TRIM2: variants seen among roughly 807,000 people sequenced by gnomAD.
The protein encoded by TRIM2 is tripartite motif-containing protein 2.
TRIM2 carries 20 observed loss-of-function variants against 75.2 expected under a neutral mutation model. The ratio of observed to expected loss-of-function variants is 0.27; its 90% CI spans 0.19 to 0.39. The LOEUF (loss-of-function observed/expected upper bound fraction) is 0.39. Ranked by LOEUF, TRIM2 falls within the 10% of genes least tolerant of loss-of-function variation. The pLI is 1.00. For missense variants in TRIM2, 660 were observed against 990.8 expected, an observed-to-expected ratio of 0.67 and a Z score of 4.48; for synonymous variants, 373 against 388.3, an observed-to-expected ratio of 0.96 and a Z score of 0.46.
At chr4:153,244,117 T>C (rs1268097894) in intron 1 of TRIM2, among the ~76,000 whole-genome samples, 68 of 149,932 alleles carry the variant, frequency 4.5e-4, no homozygotes, top group African/African-American at 1.5e-3. Flanking sequence ...ACTGTGCCAC[T>C]GCCATCTTCT....
intron 11 of TRIM2, among the ~76,000 whole-genome samples, chr4:153,333,035 T>C (rs1311793664): frequency 6.6e-6 from 1 of 152,220 alleles, no homozygotes; most frequent in Non-Finnish European, 1.5e-5. Flanking sequence ...TCATAGAAGA[T>C]TTATTTGTAA....
In TRIM2 at chr4:153,204,540, A is replaced by G. The variant is rs1336596244; in HGVS notation, c.10A>G (p.Ser4Gly). 1.3e-6 allele frequency: 2 copies of G among 1,551,590 alleles called. No homozygotes were observed. The highest frequency in any genetic ancestry group is 2.4e-5 in the East Asian group (1 of 40,936). The change falls in exon 1 of 12, where the codon AGT becomes GGT. Residue 4 changes from serine (S) to glycine (G), a missense_variant. Around this residue, in one of 2 missense-constraint regions of TRIM2, gnomAD observed 620 missense variants for 891.0 expected, o/e 0.70. Coordinates refer to ENST00000338700, the MANE Select transcript of TRIM2 (RefSeq NM_015271.5). ...CTGGCTCTGGTCTTCGATGCACAGG[A>G]GTGGCCGTTATGGAACGCAGGTAAG... is the stretch of plus-strand genomic sequence containing the variant. MHR[S>G]GRYGTQQQRA... is the part of the protein sequence containing the mutation.
chr4:153,279,337 G>C (rs950643049), intron 3 of TRIM2, among the ~76,000 whole-genome samples: 1 of 152,136 alleles, frequency 6.6e-6, no homozygotes, highest in Non-Finnish European at 1.5e-5. Flanking sequence ...AGGTCACAAA[G>C]AAAATACCAC....
intron 1 of TRIM2, among the ~76,000 whole-genome samples, chr4:153,161,406 G>A (rs1729725053): frequency 6.6e-6 from 1 of 152,194 alleles, no homozygotes; most frequent in Non-Finnish European, 1.5e-5. Flanking sequence ...CCTATGAAAA[G>A]TTATTATCCT....
At chr4:153,275,725 T>A (rs1757862053) in intron 2 of TRIM2, among the ~76,000 whole-genome samples, 168 bp from the exon 3 acceptor site, 1 of 152,222 alleles carries the variant, frequency 6.6e-6, no homozygotes, top group Non-Finnish European at 1.5e-5. Flanking sequence ...CTCATTAGTG[T>A]GAGTACAGCT....
chr4:153,232,269 T>G (rs1025991476), intron 1 of TRIM2, among the ~76,000 whole-genome samples: 2 of 152,006 alleles, frequency 1.3e-5, no homozygotes, highest in Non-Finnish European at 2.9e-5. Context: ...TCCCAGCACT[T>G]TGGGAGGCCG....
intron 1 of TRIM2, among the ~76,000 whole-genome samples, chr4:153,167,027 T>C (rs1281200522): frequency 2.0e-5 from 3 of 152,228 alleles, no homozygotes; most frequent in African/African-American, 7.2e-5. Flanking sequence ...ATTAGCCACA[T>C]AATGATCTCA....
intron 1 of TRIM2, among the ~76,000 whole-genome samples, chr4:153,219,530 G>A (rs1190210970): frequency 6.6e-6 from 1 of 152,100 alleles, no homozygotes; most frequent in Non-Finnish European, 1.5e-5. Flanking sequence ...TGTGGCCATT[G>A]AGAGAAAAGT....
intron 2 of TRIM2, among the ~76,000 whole-genome samples, chr4:153,274,642 T>C (rs894367646): frequency 3.0e-4 from 45 of 152,302 alleles, no homozygotes; most frequent in African/African-American, 1.1e-3. Context: ...AGAGGTCTCA[T>C]GATGAATGGA....
intron 6 of TRIM2, among the ~76,000 whole-genome samples, chr4:153,302,268 A>G (rs1764075108): frequency 6.6e-6 from 1 of 152,168 alleles, no homozygotes; most frequent in African/African-American, 2.4e-5. Context: ...TTACATTCAA[A>G]TCCAGTATCT....
In TRIM2 at chr4:153,248,925, AC is replaced by A. The variant is rs962842841; in HGVS notation, c.31-21405del. On this transcript the variant is annotated intron_variant, in intron 1 of 11. Transcript: ENST00000338700. The surrounding 1 kb of genome is among the most constrained non-coding windows in gnomAD (Gnocchi z 4.0). ...AAGCATGTTACTCGGAGAAAGTCCCACCCCCAGCATGGGCGCATCGGCTTAG... is the reference window on the plus strand; with the variant it reads ...AAGCATGTTACTCGGAGAAAGTCCCACCCCAGCATGGGCGCATCGGCTTAG... Among the ~76,000 whole-genome samples, 10 of 152,076 alleles carry A rather than the reference AC, an allele frequency of 6.6e-5. No homozygotes were observed. Among genetic ancestry groups the A allele is most frequent in the African/African-American group, 2.2e-4 (9 of 41,400 alleles).
At chr4:153,182,655 T>C (rs1579368843) in intron 1 of TRIM2, among the ~76,000 whole-genome samples, 1 of 152,214 alleles carries the variant, frequency 6.6e-6, no homozygotes, top group East Asian at 1.9e-4. Context: ...CACACAAATA[T>C]GGAATGGCTC....
Position 153,248,785 on chromosome 4 carries a change from G to T in TRIM2, c.31-21550G>T, listed in dbSNP as rs1462124632. Among the ~76,000 whole-genome samples the T allele has an allele frequency of 6.6e-6, 1 of 152,232 alleles. No homozygotes were observed. The highest frequency in any genetic ancestry group is 1.5e-5 in the Non-Finnish European group (1 of 68,048). ...AATACTCTTCTGGTAACATGTTGGA[G>T]GGGCAGCCTTCTGAGGATGGTGTCA... On this transcript the variant is annotated intron_variant, in intron 1 of 11. Transcript: ENST00000338700. The surrounding 1 kb of genome is among the most constrained non-coding windows in gnomAD (Gnocchi z 4.0).
At chr4:153,177,227 G>A (rs62323665) in intron 1 of TRIM2, among the ~76,000 whole-genome samples, 49,012 of 152,182 alleles carry the variant, frequency 0.32, 7,972 homozygotes, top group East Asian at 0.45. Flanking sequence ...GTCATAAGAC[G>A]AGGTTCTCTG....
Position 153,288,115 on chromosome 4 carries a change from C to G in TRIM2, c.454-4867C>G, listed in dbSNP as rs551666191. Among the ~76,000 whole-genome samples the G allele has an allele frequency of 2.6e-5, 4 of 151,864 alleles. No homozygotes were observed. In the East Asian group the frequency reaches 7.7e-4, roughly 29 times the overall value. Reference sequence around the variant, plus strand: ...ATATTACCCCATTGATTTCTGGCCTCTATAGTTTCTGATGAGATATCTGCT... The same window carrying G: ...ATATTACCCCATTGATTTCTGGCCTGTATAGTTTCTGATGAGATATCTGCT... On this transcript the variant is annotated intron_variant, in intron 3 of 11. Transcript: ENST00000338700.
chr4:153,248,052 G>GGATCATGTGTTTTTTTTTTTTTTTTT lies in TRIM2; in HGVS notation c.31-22283_31-22282insGATCATGTGTTTTTTTTTTTTTTTTT, dbSNP rs1404169218. Among the ~76,000 whole-genome samples the GGATCATGTGTTTTTTTTTTTTTTTTT allele has an allele frequency of 6.6e-6, 1 of 150,938 alleles. No individual in the cohort carries two copies. The highest frequency in any genetic ancestry group is 2.0e-4 in the East Asian group (1 of 5,122). ...GCTCTGTCCCCCAGGCTGGAGTGCG[G>GGATCATGTGTTTTTTTTTTTTTTTTT]TGACACAGTCTCTGCTCACTGGCGC... On this transcript the variant is annotated intron_variant, in intron 1 of 11. Coordinates refer to ENST00000338700, the MANE Select transcript of TRIM2 (RefSeq NM_015271.5). This position sits in a 1 kb window ranked among gnomAD's most constrained non-coding sequence, Gnocchi z 4.0.
chr4:153,269,487 G>A (rs1756098367), intron 1 of TRIM2, among the ~76,000 whole-genome samples: 2 of 152,154 alleles, frequency 1.3e-5, no homozygotes, highest in African/African-American at 4.8e-5. Flanking sequence ...GATGGGGAAG[G>A]GCAGAGAGGT....
intron 3 of TRIM2, among the ~76,000 whole-genome samples, chr4:153,284,044 ATT>A (rs1296855638): frequency 1.5e-5 from 2 of 130,468 alleles, no homozygotes. Context: ...TAATTTTTGT[ATT>A]TTTTTTTTTT....
chr4:153,184,070 C>T (rs1176482671), intron 1 of TRIM2, among the ~76,000 whole-genome samples: 1 of 152,144 alleles, frequency 6.6e-6, no homozygotes, highest in Non-Finnish European at 1.5e-5. Flanking sequence ...GGATGAGCTT[C>T]CTGAAGGGCA....
Sources: gnomAD v4.1 joint callset for allele counts (sites outside exome capture counted in the v4.1 genomes callset) on GRCh38, gnomAD v4.1.1 for gene constraint, gnomAD v4.1.1 regional missense constraint, Gnocchi (gnomAD v3.1) non-coding constraint, MANE v1.5 for transcripts, NCBI Gene and HGNC (gene_info 2026-07-23, HGNC 2026-07-21) for gene names.